The following WDR12 variants were observed in gnomAD, a reference collection of about 807,000 sequenced individuals.
WDR12 encodes the protein WD repeat domain 12.
Under a neutral mutation model 64.3 loss-of-function variants are expected in WDR12, and 42 were observed. The observed-to-expected ratio is 0.65, with a 90% CI of 0.51 to 0.84. The LOEUF (loss-of-function observed/expected upper bound fraction) is 0.84. WDR12 is among the 40% of genes least tolerant of loss of function. The pLI is 0.00. For synonymous variants in WDR12, 158 were observed against 173.3 expected, an observed-to-expected ratio of 0.91 and a Z score of 0.70; for missense variants, 469 against 494.6, an observed-to-expected ratio of 0.95 and a Z score of 0.49.
intron 8 of WDR12, among the ~76,000 whole-genome samples, chr2:202,891,960 A>G (rs1300656685): frequency 1.3e-5 from 2 of 152,240 alleles, no homozygotes; most frequent in Non-Finnish European, 2.9e-5. Context: ...TTTCGGTTAT[A>G]AGATGAACAA....
At chr2:202,910,677 A>G (rs1688579190) in intron 1 of WDR12, among the ~76,000 whole-genome samples, 1 of 152,196 alleles carries the variant, frequency 6.6e-6, no homozygotes, top group Admixed American at 6.5e-5. Flanking sequence ...CAATGTATGT[A>G]AGTAAGTACA....
chr2:202,897,908 A>ATATAT (rs1553541972), intron 4 of WDR12, among the ~76,000 whole-genome samples: 208 of 40,034 alleles, frequency 5.2e-3, no homozygotes, highest in Middle Eastern at 0.036. Context: ...AAAAAAAAAA[A>ATATAT]ATATATATAT....
chr2:202,890,818 C>T (rs1296514230), intron 8 of WDR12, among the ~76,000 whole-genome samples: 1 of 144,648 alleles, frequency 6.9e-6, no homozygotes, highest in Non-Finnish European at 1.5e-5. Context: ...ATTTAAGCTA[C>T]ATGCCAAACT....
At chr2:202,886,741 T>G (rs1290512415) in intron 8 of WDR12, among the ~76,000 whole-genome samples, 1 of 118,172 alleles carries the variant, frequency 8.5e-6, no homozygotes. Flanking sequence ...CACTCCAGCC[T>G]GGGCAACAAG....
chr2:202,895,030 G>C (rs1229942137), intron 6 of WDR12, among the ~76,000 whole-genome samples: 1 of 152,134 alleles, frequency 6.6e-6, no homozygotes, highest in Admixed American at 6.5e-5. Context: ...AGTTCAAGTT[G>C]AGTTTCTATC....
At position 202,874,271 on chromosome 2, in the gene WDR12, C is replaced by A. The variant is rs1297612002; in HGVS notation, c.*6589G>T. 6.6e-6 allele frequency among the ~76,000 whole-genome samples: 1 copy of A among 152,144 alleles called. No individual in the cohort carries two copies. The highest frequency in any genetic ancestry group is 2.4e-5 in the African/African-American group (1 of 41,428). ...ACACCTTTAAAGTACTTTTAAATTTCATTTAGAAGTACATTTACTGAACTG... is the reference window on the plus strand; with the variant it reads ...ACACCTTTAAAGTACTTTTAAATTTAATTTAGAAGTACATTTACTGAACTG... On this transcript the variant is annotated 3_prime_UTR_variant, in exon 13 of 13. Transcript: ENST00000261015.
At chr2:202,897,162 T>C (rs572616568) in intron 5 of WDR12, 138 bp downstream of exon 5, 2 of 537,230 alleles carry the variant, frequency 3.7e-6, no homozygotes, top group Non-Finnish European at 6.6e-6. Flanking sequence ...TCTTGAACAC[T>C]GTATTTTTTG....
intron 7 of WDR12, among the ~76,000 whole-genome samples, chr2:202,893,257 TTA>T (rs1362409236): frequency 1.3e-5 from 2 of 152,218 alleles, no homozygotes; most frequent in East Asian, 3.9e-4. Flanking sequence ...GTATGTTACA[TTA>T]TATGTTATAT....
chr2:202,882,661 G>T, intron 12 of WDR12, 50 bp downstream of exon 12: 1 of 1,566,940 alleles, frequency 6.4e-7, no homozygotes, highest in Non-Finnish European at 8.8e-7. Context: ...ACAAACACCA[G>T]ATTTATTCTA....
chr2:202,879,316 C>T lies in WDR12; in HGVS notation c.*1544G>A. The T allele has an allele frequency of 6.6e-6, 1 of 152,396 alleles. No individual in the cohort carries two copies. The highest frequency in any genetic ancestry group is 1.5e-5 in the Non-Finnish European group (1 of 68,106). The allele number at this position is 152,396 out of a possible 1,614,324, so 9.4% of individuals were successfully genotyped here. A position where few individuals can be genotyped will look rare whatever the true frequency, so the allele number is the denominator to read the frequency against. On this transcript the variant is annotated 3_prime_UTR_variant, in exon 13 of 13. Coordinates refer to ENST00000261015, the MANE Select transcript of WDR12 (RefSeq NM_018256.4). ...AAAGTGCTGGGATTACAGGCGTGAG[C>T]CACCGTGCCCAACCAACTGTATGCA...
chr2:202,883,758 A>G lies in WDR12; in HGVS notation c.989-17T>C, dbSNP rs770709334. The G allele has an allele frequency of 6.2e-7, 1 of 1,605,600 alleles. No individual in the cohort carries two copies. The highest frequency in any genetic ancestry group is 8.5e-7 in the Non-Finnish European group (1 of 1,177,774). ...AAGAACCATCTGAACAAAGCAAAAA[A>G]GACAAGCGTTGAATTTTAGAAAAGG... On this transcript the variant is annotated splice_polypyrimidine_tract_variant and intron_variant, in intron 10 of 12. Transcript: ENST00000261015.
intron 2 of WDR12, among the ~76,000 whole-genome samples, chr2:202,905,527 G>T (rs1688441347): frequency 6.6e-6 from 1 of 152,192 alleles, no homozygotes; most frequent in Non-Finnish European, 1.5e-5. Flanking sequence ...CCTTGGTGGG[G>T]ATGTCAATTA....
Position 202,877,641 on chromosome 2 carries a change from G to A in WDR12, c.*3219C>T, listed in dbSNP as rs1399657362. 3 of 152,248 alleles carry A rather than the reference G, an allele frequency of 2.0e-5. No individual in the cohort carries two copies. The highest frequency in any genetic ancestry group is 4.4e-5 in the Non-Finnish European group (3 of 68,104). The allele number at this position is 152,248 out of a possible 1,614,324, so 9.4% of individuals were successfully genotyped here. ...ATTACACCATTGTACTCCAGTATGG[G>A]TGACATAGTGAGACCCTGTCTTGAC... On this transcript the variant is annotated 3_prime_UTR_variant, in exon 13 of 13. Transcript: ENST00000261015.
At chr2:202,903,197 T>C (rs373097849) in intron 2 of WDR12, among the ~76,000 whole-genome samples, 4 of 152,196 alleles carry the variant, frequency 2.6e-5, no homozygotes, top group African/African-American at 9.7e-5. Context: ...ACAAAAAGCA[T>C]ATGATCATTT....
At chr2:202,897,632 G>A (rs1388108574) in intron 4 of WDR12, among the ~76,000 whole-genome samples, 5 of 148,392 alleles carry the variant, frequency 3.4e-5, no homozygotes, top group Non-Finnish European at 5.9e-5. Context: ...GCTCACGCCT[G>A]TAATCCCAGC....
chr2:202,897,966 T>G (rs1688282520), intron 4 of WDR12, among the ~76,000 whole-genome samples: 1 of 145,130 alleles, frequency 6.9e-6, no homozygotes, highest in Admixed American at 7.0e-5. Context: ...AAAATTACTT[T>G]CAGGCTAGGT....
chr2:202,896,230 G>C lies in WDR12; in HGVS notation c.455-11C>G. On this transcript the variant is annotated splice_polypyrimidine_tract_variant and intron_variant, in intron 5 of 12. Coordinates refer to ENST00000261015, the MANE Select transcript of WDR12 (RefSeq NM_018256.4). ...AGCAGGACAAACTATCTGGAGAAAGGAGAACACAAGAATAAGAAACAAATC... is the reference window on the plus strand; with the variant it reads ...AGCAGGACAAACTATCTGGAGAAAGCAGAACACAAGAATAAGAAACAAATC... 1 of 1,610,408 alleles carries C rather than the reference G, an allele frequency of 6.2e-7. No individual in the cohort carries two copies. The highest frequency in any genetic ancestry group is 1.1e-5 in the South Asian group (1 of 90,256).
In WDR12 at chr2:202,911,563, A is replaced by C; in HGVS notation, c.-87T>G. 7.7e-7 allele frequency: 1 copy of C among 1,296,342 alleles called. No homozygotes were observed. The highest frequency in any genetic ancestry group is 1.1e-6 in the Non-Finnish European group (1 of 892,094). The allele number at this position is 1,296,342 out of a possible 1,614,324, so 80.3% of individuals were successfully genotyped here. A position where few individuals can be genotyped will look rare whatever the true frequency, so the allele number is the denominator to read the frequency against. On this transcript the variant is annotated 5_prime_UTR_variant, in exon 1 of 13. Transcript: ENST00000261015. ...GCTCCTGCCTTTTAAGACTACAAAGAGGCAGCTCAAAATTAGACTGCACAG... is the reference window on the plus strand; with the variant it reads ...GCTCCTGCCTTTTAAGACTACAAAGCGGCAGCTCAAAATTAGACTGCACAG...
intron 1 of WDR12, among the ~76,000 whole-genome samples, chr2:202,908,971 T>C (rs11885476): frequency 1 from 152,004 of 152,384 alleles, 75,813 homozygotes; most frequent in East Asian, 1. Flanking sequence ...CCAGGTAATG[T>C]TAATCAAACA....
Sources: allele counts gnomAD v4.1 joint callset (sites outside exome capture counted in the v4.1 genomes callset), GRCh38; gene constraint gnomAD v4.1.1; transcripts MANE v1.5; gene names NCBI Gene and HGNC (gene_info 2026-07-23, HGNC 2026-07-21).